The following CSMD1 variants were observed in gnomAD, a reference collection of about 807,000 sequenced individuals.
CSMD1 encodes the protein CUB and Sushi multiple domains 1.
Under a neutral mutation model 417.5 loss-of-function variants are expected in CSMD1, and 213 were observed. The observed-to-expected ratio is 0.51, with a 90% CI of 0.46 to 0.57. The LOEUF is 0.57. CSMD1 is among the 20% of genes least tolerant of loss of function. The pLI, the probability that CSMD1 is intolerant of heterozygous loss-of-function variation, is 0.00. For synonymous variants in CSMD1, 2,862 were observed against 1,736.8 expected (o/e 1.65, Z -16.11); for missense variants, 6,923 against 4,529.7 (o/e 1.53, Z -15.17).
At chr8:4,809,380 G>A (rs144534158) in intron 1 of CSMD1, among the ~76,000 whole-genome samples, 1 of 152,300 alleles carries the variant, frequency 6.6e-6, no homozygotes, top group African/African-American at 2.4e-5. Flanking sequence ...TCTCCCATCT[G>A]ATACTCAACA....
At chr8:4,913,134 G>C (rs1397884729) in intron 1 of CSMD1, among the ~76,000 whole-genome samples, 1 of 152,150 alleles carries the variant, frequency 6.6e-6, no homozygotes, top group East Asian at 1.9e-4. Flanking sequence ...ACAGATCAAA[G>C]CAGAGTCCAC....
At chr8:4,701,516 G>T (rs1159928116) in intron 1 of CSMD1, among the ~76,000 whole-genome samples, 2 of 151,966 alleles carry the variant, frequency 1.3e-5, no homozygotes, top group African/African-American at 2.4e-5. Flanking sequence ...CTCCCAGAGG[G>T]ACTGGGAAGC....
chr8:3,804,186 C>T (rs1201604591), intron 5 of CSMD1, among the ~76,000 whole-genome samples: 3 of 152,054 alleles, frequency 2.0e-5, no homozygotes, highest in African/African-American at 7.2e-5. Context: ...CCCACCTCAG[C>T]CTCCAGAAGT....
Position 4,037,615 on chromosome 8 carries a change from G to GTGTCT in CSMD1, c.416-5517_416-5516insAGACA, listed in dbSNP as rs1554523388. Among the ~76,000 whole-genome samples the GTGTCT allele has an allele frequency of 4.6e-5, 7 of 151,728 alleles. 1 individual carries two copies. The highest frequency in any genetic ancestry group is 1.3e-4 in the Admixed American group (2 of 15,254). On this transcript the variant is annotated intron_variant, in intron 3 of 69. Coordinates refer to ENST00000635120, the MANE Select transcript of CSMD1 (RefSeq NM_033225.6). ...CAATGGAAAGGAGAATGGACTTTAG[G>GTGTCT]TCTCTTATATTTATCAGGTGTGCTT...
chr8:2,962,667 G>T lies in CSMD1; in HGVS notation c.9455-28C>A, dbSNP rs770201744. On this transcript the variant is annotated intron_variant, in intron 60 of 69. Coordinates refer to ENST00000635120, the MANE Select transcript of CSMD1 (RefSeq NM_033225.6). Reference sequence around the variant, plus strand: ...ATGGAAGATAACCAGGAAGAAGTCAGCCTTCAACGTCCCTGGATCAGCTTC... The same window carrying T: ...ATGGAAGATAACCAGGAAGAAGTCATCCTTCAACGTCCCTGGATCAGCTTC... 1.2e-5 allele frequency: 19 copies of T among 1,605,184 alleles called. 1 individual carries two copies. Among genetic ancestry groups the T allele is most frequent in the South Asian group, 6.7e-5 (6 of 90,066 alleles).
At chr8:3,203,051 G>C (rs1034021663) in intron 31 of CSMD1, among the ~76,000 whole-genome samples, 16 of 151,818 alleles carry the variant, frequency 1.1e-4, no homozygotes, top group African/African-American at 3.1e-4. Context: ...CCAAAACTTG[G>C]GTCACAAAAG....
chr8:4,843,310 C>T (rs1050114387), intron 1 of CSMD1, among the ~76,000 whole-genome samples: 3 of 152,128 alleles, frequency 2.0e-5, no homozygotes, highest in Non-Finnish European at 4.4e-5. Context: ...ATTTCTACCA[C>T]CAGAGATTCA....
intron 10 of CSMD1, among the ~76,000 whole-genome samples, chr8:3,543,960 C>G (rs764150404): frequency 6.6e-6 from 1 of 152,116 alleles, no homozygotes; most frequent in African/African-American, 2.4e-5. Context: ...AGCAAAGCAA[C>G]TGAGAAAGCA....
chr8:3,045,810 A>T (rs7387095), intron 50 of CSMD1, among the ~76,000 whole-genome samples: 1 of 151,876 alleles, frequency 6.6e-6, no homozygotes, highest in Non-Finnish European at 1.5e-5. Flanking sequence ...TACTCAACTC[A>T]TGCCTTCTTT....
chr8:4,424,302 A>G (rs1280505969), intron 2 of CSMD1, among the ~76,000 whole-genome samples: 1 of 152,084 alleles, frequency 6.6e-6, no homozygotes, highest in African/African-American at 2.4e-5. Context: ...CTGACAAAAG[A>G]CAAGTATCTA....
At chr8:3,701,686 TTCAA>T (rs1166711420) in intron 7 of CSMD1, among the ~76,000 whole-genome samples, 11 of 152,120 alleles carry the variant, frequency 7.2e-5, no homozygotes, top group African/African-American at 1.7e-4. Context: ...TGCAAAATGG[TTCAA>T]TCAGTCAGGG....
chr8:4,631,133 C>CG (rs1363671277), intron 2 of CSMD1, among the ~76,000 whole-genome samples: 1 of 152,028 alleles, frequency 6.6e-6, no homozygotes, highest in African/African-American at 2.4e-5. Flanking sequence ...GAGGCCGAGG[C>CG]GGGTGGATCA....
intron 26 of CSMD1, among the ~76,000 whole-genome samples, chr8:3,252,439 T>C (rs1267097934): frequency 6.6e-6 from 1 of 152,204 alleles, no homozygotes; most frequent in Non-Finnish European, 1.5e-5. Context: ...ATAAGCTTTT[T>C]GATATATTGT....
chr8:4,190,365 C>A (rs1039508069), intron 3 of CSMD1, among the ~76,000 whole-genome samples: 5 of 151,792 alleles, frequency 3.3e-5, no homozygotes, highest in African/African-American at 7.3e-5. Context: ...GCCTCAGTTT[C>A]CTCACCAATG....
chr8:3,176,286 T>A (rs77219774), intron 37 of CSMD1, among the ~76,000 whole-genome samples: 3 of 152,168 alleles, frequency 2.0e-5, no homozygotes, highest in African/African-American at 4.8e-5. Context: ...TAATAATTAA[T>A]CTTTAATGAG....
intron 3 of CSMD1, among the ~76,000 whole-genome samples, chr8:4,118,043 C>G (rs1317674923): frequency 1.3e-5 from 2 of 151,118 alleles, no homozygotes; most frequent in Admixed American, 6.6e-5. Flanking sequence ...TCTTAGTCAT[C>G]AGGGAACAAT....
At chr8:4,172,604 G>C (rs556356951) in intron 3 of CSMD1, among the ~76,000 whole-genome samples, 4 of 152,110 alleles carry the variant, frequency 2.6e-5, no homozygotes, top group Non-Finnish European at 4.4e-5. Context: ...ATCTAACTAA[G>C]CTCATGGAAC....
intron 3 of CSMD1, among the ~76,000 whole-genome samples, chr8:4,280,600 T>A (rs548164466): frequency 6.6e-6 from 1 of 152,194 alleles, no homozygotes; most frequent in Non-Finnish European, 1.5e-5. Flanking sequence ...TGGGTACTGT[T>A]TGAAGGTAAA....
rs534243374 is a variant in CSMD1, at chr8:4,211,535, T to C, written c.416-179436A>G. Among the ~76,000 whole-genome samples the C allele has an allele frequency of 5.3e-5, 8 of 152,368 alleles. No homozygotes were observed. In the South Asian group the frequency reaches 1.0e-3, roughly 20 times the overall value. On this transcript the variant is annotated intron_variant, in intron 3 of 69. Transcript: ENST00000635120. ...ATTTTCAGTTTTATCTTTTGTATAC[T>C]TTTGAGCATTCCAAGAAATGTTTAC...
Sources: allele counts gnomAD v4.1 joint callset (sites outside exome capture counted in the v4.1 genomes callset), GRCh38; gene constraint gnomAD v4.1.1; transcripts MANE v1.5; gene names NCBI Gene and HGNC (gene_info 2026-07-23, HGNC 2026-07-21).